Variants in FARS2 observed in about 807,000 individuals in gnomAD.
The protein encoded by FARS2 is phenylalanine--tRNA ligase, mitochondrial.
A neutral mutation model predicts 46.4 loss-of-function variants in FARS2; 40 were observed. That is an observed-to-expected ratio of 0.86 (90% CI 0.67 to 1.12). FARS2 has a LOEUF of 1.12. Among genes scored for constraint, FARS2 ranks in the 50% most tolerant of loss-of-function variants. The probability of loss-of-function intolerance (pLI) is 0.00; values close to 1 mark genes in which losing one functional copy is unlikely to be tolerated. For missense variants in FARS2, 513 were observed against 567.9 expected, an observed-to-expected ratio of 0.90 and a Z score of 0.98; for synonymous variants, 234 against 214.9, an observed-to-expected ratio of 1.09 and a Z score of -0.78.
chr6:5,270,780 C>T (rs1561921882), intron 1 of FARS2, among the ~76,000 whole-genome samples: 1 of 152,212 alleles, frequency 6.6e-6, no homozygotes. Context: ...AGTCCCATGT[C>T]ATACCTTTTT....
intron 4 of FARS2, among the ~76,000 whole-genome samples, chr6:5,445,767 G>T (rs1296717448): frequency 6.6e-6 from 1 of 152,168 alleles, no homozygotes; most frequent in Non-Finnish European, 1.5e-5. Flanking sequence ...TTCATGAAAA[G>T]ATTTCTTCTA....
chr6:5,400,420 T>A (rs959613599), intron 2 of FARS2, among the ~76,000 whole-genome samples: 1 of 151,910 alleles, frequency 6.6e-6, no homozygotes, highest in Non-Finnish European at 1.5e-5. Flanking sequence ...AAGACCTTTA[T>A]GTGTGTGTGT....
At position 5,760,257 on chromosome 6, in the gene FARS2, C is replaced by T. The variant is rs1029230194; in HGVS notation, c.1218-11034C>T. On this transcript the variant is annotated intron_variant, in intron 6 of 6. Coordinates refer to ENST00000274680, the MANE Select transcript of FARS2 (RefSeq NM_006567.5). ...CATAACACAGTCATAGGTAATTCTA[C>T]TCATGAATAATGGGGGTTGAGGGTG... 1.1e-4 allele frequency among the ~76,000 whole-genome samples: 17 copies of T among 152,216 alleles called. 1 individual carries two copies. Among genetic ancestry groups the T allele is most frequent in the African/African-American group, 4.1e-4 (17 of 41,456 alleles).
At chr6:5,274,166 A>G (rs561185490) in intron 1 of FARS2, among the ~76,000 whole-genome samples, 7 of 152,344 alleles carry the variant, frequency 4.6e-5, no homozygotes, top group Non-Finnish European at 8.8e-5. Context: ...ACTTACCTGT[A>G]AAAATTATTG....
At chr6:5,724,734 A>T (rs1287255352) in intron 6 of FARS2, among the ~76,000 whole-genome samples, 1 of 152,172 alleles carries the variant, frequency 6.6e-6, no homozygotes, top group African/African-American at 2.4e-5. Context: ...ATAGCAGCCC[A>T]CCGTACTTCA....
rs1165865230 is a variant in FARS2, at chr6:5,378,363, C to G, written c.612+9181C>G. 4.6e-5 allele frequency among the ~76,000 whole-genome samples: 7 copies of G among 152,242 alleles called. No individual in the cohort carries two copies. The East Asian group carries it at 1.4e-3, about 29-fold the overall frequency. ...AGTGAGGCGCTTCTTTTTGAACACC[C>G]CTTTGGCATCCTTTGTGGTTCATCC... On this transcript the variant is annotated intron_variant, in intron 2 of 6. Coordinates refer to ENST00000274680, the MANE Select transcript of FARS2 (RefSeq NM_006567.5).
At chr6:5,430,963 T>A in intron 3 of FARS2, 78 bp from the exon 4 acceptor site, 1 of 1,475,228 alleles carries the variant, frequency 6.8e-7, no homozygotes, top group South Asian at 1.3e-5. Flanking sequence ...GTGTCATTAG[T>A]AGAAGGGAAA....
chr6:5,518,903 C>T (rs149911873), intron 4 of FARS2, among the ~76,000 whole-genome samples: 1 of 152,190 alleles, frequency 6.6e-6, no homozygotes, highest in African/African-American at 2.4e-5. Flanking sequence ...GTAGTGGTTA[C>T]AGTAGCAGCA....
intron 1 of FARS2, among the ~76,000 whole-genome samples, chr6:5,273,678 G>A (rs1308971333): frequency 6.6e-6 from 1 of 152,122 alleles, no homozygotes. Context: ...TTTGCTTGAT[G>A]TAATCTAATT....
In FARS2 at chr6:5,625,848, G is replaced by A. The variant is rs556577835; in HGVS notation, c.1217+12528G>A. 2.0e-3 allele frequency among the ~76,000 whole-genome samples: 310 copies of A among 152,332 alleles called. 2 individuals are homozygous for A. The highest frequency in any genetic ancestry group is 7.2e-3 in the African/African-American group (299 of 41,574). On this transcript the variant is annotated intron_variant, in intron 6 of 6. Transcript: ENST00000274680. ...TGGCCAGGCTCCAGATGGTCTCTCC[G>A]GAGAGGTGGGACTGGGCTTGGAATC...
rs140252960 is a variant in FARS2, at chr6:5,489,873, C to T, written c.905-55307C>T. On this transcript the variant is annotated intron_variant, in intron 4 of 6. Coordinates refer to ENST00000274680, the MANE Select transcript of FARS2 (RefSeq NM_006567.5). Reference sequence around the variant, plus strand: ...CATAGTTTTCTTTGAAGTTGAAAAGCATATAATGCCATGCACATAATAATA... The same window carrying T: ...CATAGTTTTCTTTGAAGTTGAAAAGTATATAATGCCATGCACATAATAATA... 7.8e-4 allele frequency among the ~76,000 whole-genome samples: 119 copies of T among 152,276 alleles called. 1 individual carries two copies. The highest frequency in any genetic ancestry group is 1.5e-3 in the Non-Finnish European group (99 of 68,032).
chr6:5,441,071 G>A (rs906560812), intron 4 of FARS2, among the ~76,000 whole-genome samples: 4 of 151,876 alleles, frequency 2.6e-5, no homozygotes, highest in South Asian at 2.1e-4. Flanking sequence ...ACAGGTGTGC[G>A]CCACCACAAC....
At chr6:5,255,267 G>A in the FARS2 span, among the ~76,000 whole-genome samples, 1 of 152,152 alleles carries the variant, frequency 6.6e-6, no homozygotes, top group African/African-American at 2.4e-5. Flanking sequence ...ATTCTCTCAT[G>A]AGTATACAGG....
At chr6:5,370,215 G>T (rs956047681) in intron 2 of FARS2, among the ~76,000 whole-genome samples, 1 of 152,120 alleles carries the variant, frequency 6.6e-6, no homozygotes, top group African/African-American at 2.4e-5. Flanking sequence ...TCCTATAGCA[G>T]GAGATAACTG....
chr6:5,371,979 T>G (rs558469202), intron 2 of FARS2, among the ~76,000 whole-genome samples: 1 of 152,142 alleles, frequency 6.6e-6, no homozygotes, highest in South Asian at 2.1e-4. Flanking sequence ...GAAAAAGAGA[T>G]ATCAAGCAAA....
At chr6:5,532,506 CT>C (rs1769904369) in intron 4 of FARS2, among the ~76,000 whole-genome samples, 1 of 152,210 alleles carries the variant, frequency 6.6e-6, no homozygotes, top group Non-Finnish European at 1.5e-5. Flanking sequence ...AATCCCAGCA[CT>C]TTGGGAGGCC....
chr6:5,737,525 T>C (rs1761031033), intron 6 of FARS2, among the ~76,000 whole-genome samples: 1 of 152,150 alleles, frequency 6.6e-6, no homozygotes, highest in African/African-American at 2.4e-5. Flanking sequence ...AGCAAGACCC[T>C]GTCTGAAAAA....
chr6:5,653,865 G>A (rs942805511), intron 6 of FARS2, among the ~76,000 whole-genome samples: 9 of 151,854 alleles, frequency 5.9e-5, no homozygotes, highest in African/African-American at 9.7e-5. Context: ...CGTGGAGTGC[G>A]GGGAAGAGGA....
chr6:5,654,317 C>T (rs1777507203), intron 6 of FARS2, among the ~76,000 whole-genome samples: 2 of 152,140 alleles, frequency 1.3e-5, no homozygotes. Flanking sequence ...TGCCTCTTCT[C>T]CAATTATCTC....
Sources: gnomAD v4.1 joint callset for allele counts (sites outside exome capture counted in the v4.1 genomes callset) on GRCh38, gnomAD v4.1.1 for gene constraint, MANE v1.5 for transcripts, NCBI Gene and HGNC (gene_info 2026-07-23, HGNC 2026-07-21) for gene names.